Variants in MEGF9 observed in about 807,000 individuals in gnomAD.
The protein encoded by MEGF9 is multiple EGF like domains 9.
A neutral mutation model predicts 46.8 loss-of-function variants in MEGF9; 6 were observed. That is an observed-to-expected ratio of 0.13 (90% confidence interval 0.07 to 0.25). MEGF9 has a LOEUF of 0.25. Among genes scored for constraint, MEGF9 ranks in the 10% least tolerant of loss-of-function variants. The pLI is 1.00. For synonymous variants in MEGF9, 302 were observed against 330.7 expected (o/e 0.91, Z 0.94); for missense variants, 683 against 792.4 (o/e 0.86, Z 1.66).
At chr9:120,675,803 G>T (rs1215982925) in intron 1 of MEGF9, among the ~76,000 whole-genome samples, 1 of 142,074 alleles carries the variant, frequency 7.0e-6, no homozygotes, top group Non-Finnish European at 1.5e-5. Flanking sequence ...CAGGAGAATC[G>T]CTTGAACCTG....
chr9:120,672,581 A>T (rs1369944636), intron 1 of MEGF9, among the ~76,000 whole-genome samples: 1 of 152,158 alleles, frequency 6.6e-6, no homozygotes, highest in Non-Finnish European at 1.5e-5. Flanking sequence ...TGATCACACC[A>T]CTCTACTCCA....
chr9:120,663,104 G>A (rs2043710016), intron 1 of MEGF9, among the ~76,000 whole-genome samples: 1 of 152,132 alleles, frequency 6.6e-6, no homozygotes, highest in Admixed American at 6.6e-5. Context: ...GACCACCCCA[G>A]GGATAAGAAG....
intron 1 of MEGF9, among the ~76,000 whole-genome samples, chr9:120,680,098 C>G (rs1305612044): frequency 6.6e-6 from 1 of 152,170 alleles, no homozygotes; most frequent in African/African-American, 2.4e-5. Context: ...ATTTGAGTTT[C>G]CTCAAAACAG....
intron 3 of MEGF9, among the ~76,000 whole-genome samples, chr9:120,613,225 A>G (rs1459558689): frequency 9.9e-5 from 15 of 152,140 alleles, no homozygotes; most frequent in African/African-American, 3.6e-4. Flanking sequence ...AAATTTAAAA[A>G]CCACACTAAG....
chr9:120,658,330 T>C (rs2043686867), intron 2 of MEGF9, among the ~76,000 whole-genome samples: 1 of 152,208 alleles, frequency 6.6e-6, no homozygotes, highest in East Asian at 1.9e-4. Flanking sequence ...CAATATTCCA[T>C]AACAGTATAA....
chr9:120,624,872 CAAA>C (rs35120272), intron 2 of MEGF9, among the ~76,000 whole-genome samples: 17 of 104,084 alleles, frequency 1.6e-4, no homozygotes, highest in African/African-American at 3.8e-4. Context: ...GACTCCGTCT[CAAA>C]AAAAAAAAAA....
intron 1 of MEGF9, among the ~76,000 whole-genome samples, chr9:120,677,414 A>G (rs1453525158): frequency 6.6e-6 from 1 of 152,216 alleles, no homozygotes; most frequent in Non-Finnish European, 1.5e-5. Flanking sequence ...CACAGGCCAG[A>G]GCCACTGCGT....
chr9:120,714,458 G>T lies in MEGF9; in HGVS notation c.-100C>A. 1 of 1,052,052 alleles carries T rather than the reference G, an allele frequency of 9.5e-7. No individual in the cohort carries two copies. The highest frequency in any genetic ancestry group is 1.2e-6 in the Non-Finnish European group (1 of 829,238). The allele number at this position is 1,052,052 out of a possible 1,614,324, so 65.2% of individuals were successfully genotyped here. A position where few individuals can be genotyped will look rare whatever the true frequency, so the allele number is the denominator to read the frequency against. ...CGCCACCGCCACCGGGCGCACCATCGCCACCTCCCTCTGACAGGCGGCCGG... is the reference window on the plus strand; with the variant it reads ...CGCCACCGCCACCGGGCGCACCATCTCCACCTCCCTCTGACAGGCGGCCGG... On this transcript the variant is annotated 5_prime_UTR_variant, in exon 1 of 6. Transcript: ENST00000373930.
At chr9:120,713,649 T>TG in intron 1 of MEGF9, 109 bp downstream of exon 1, 2 of 1,230,398 alleles carry the variant, frequency 1.6e-6, no homozygotes, top group Non-Finnish European at 2.0e-6. Flanking sequence ...AGCCGGAACC[T>TG]GGGGTGTCTT....
In MEGF9 at chr9:120,607,846, C is replaced by T. The variant is rs773125417; in HGVS notation, c.1252G>A (p.Glu418Lys). The change falls in exon 5 of 6, where the codon GAG becomes AAG. Residue 418 changes from glutamate to lysine, a missense_variant. Around this residue, in one of 2 missense-constraint regions of MEGF9, gnomAD observed 313 missense variants for 421.1 expected, o/e 0.74. Transcript: ENST00000373930. ...AGGCAGTTGATGCACTCACCACTCT[C>T]GGGCTTACAAATCTTTGGAGTTTTA... ...PVKTPKICKP[E>K]SGECINCLHN... The T allele has an allele frequency of 3.1e-6, 5 of 1,613,894 alleles. No homozygotes were observed. Among genetic ancestry groups the T allele is most frequent in the South Asian group, 1.1e-5 (1 of 91,084 alleles).
intron 2 of MEGF9, among the ~76,000 whole-genome samples, chr9:120,642,094 A>C (rs2132313760): frequency 6.6e-6 from 1 of 152,232 alleles, no homozygotes; most frequent in South Asian, 2.1e-4. Context: ...CAAGCAAGTC[A>C]GATGTTCTGA....
chr9:120,714,158 G>A lies in MEGF9; in HGVS notation c.201C>T (p.Phe67=). ...PGLRGEPSHP[F]PRATAPTAQA... ...GGGCCGTGGGAGCCGTCGCCCTAGG[G>A]AAGGGGTGGCTGGGCTCGCCCCGCA... Residue 67 remains phenylalanine, a synonymous_variant, in exon 1 of 6, where the codon TTC becomes TTT. Transcript: ENST00000373930. 5 of 1,236,160 alleles carry A rather than the reference G, an allele frequency of 4.0e-6. No individual in the cohort carries two copies. Among genetic ancestry groups the A allele is most frequent in the Non-Finnish European group, 5.0e-6 (5 of 990,792 alleles). 76.6% of individuals were successfully genotyped at this position (1,236,160 alleles called of 1,614,324 possible). A position where few individuals can be genotyped will look rare whatever the true frequency, so the allele number is the denominator to read the frequency against.
intron 2 of MEGF9, among the ~76,000 whole-genome samples, chr9:120,656,011 C>A (rs1053564324): frequency 5.9e-5 from 9 of 152,126 alleles, no homozygotes; most frequent in South Asian, 2.1e-4. Flanking sequence ...CCAAAACACA[C>A]TGAATTGAGA....
chr9:120,617,197 A>G (rs1198423219), intron 3 of MEGF9, among the ~76,000 whole-genome samples: 2 of 152,204 alleles, frequency 1.3e-5, no homozygotes, highest in Admixed American at 6.5e-5. Context: ...AAGCATCTCA[A>G]AAATCTTTGT....
intron 1 of MEGF9, among the ~76,000 whole-genome samples, chr9:120,667,726 T>TA (rs1205910597): frequency 2.6e-5 from 4 of 152,008 alleles, no homozygotes; most frequent in Admixed American, 2.6e-4. Context: ...AATGAGTCTT[T>TA]AAAAAAACCA....
At chr9:120,634,632 A>T (rs112451679) in intron 2 of MEGF9, among the ~76,000 whole-genome samples, 47 of 151,944 alleles carry the variant, frequency 3.1e-4, no homozygotes, top group African/African-American at 1.1e-3. Context: ...AAGTGAAGAC[A>T]ATTTCTTGTA....
At chr9:120,681,965 T>C (rs79625944) in intron 1 of MEGF9, among the ~76,000 whole-genome samples, 4,497 of 152,284 alleles carry the variant, frequency 0.03, 94 homozygotes, top group Middle Eastern at 0.044. Context: ...TGTAAAGACT[T>C]TTCTTAAAAT....
intron 5 of MEGF9, among the ~76,000 whole-genome samples, chr9:120,607,477 T>TA (rs958589326): frequency 6.6e-6 from 1 of 151,734 alleles, no homozygotes; most frequent in Non-Finnish European, 1.5e-5. Flanking sequence ...ATTATTAACA[T>TA]AAAAATAAAA....
intron 3 of MEGF9, among the ~76,000 whole-genome samples, chr9:120,614,383 C>T (rs930733353): frequency 2.0e-5 from 3 of 152,138 alleles, no homozygotes; most frequent in Non-Finnish European, 4.4e-5. Flanking sequence ...GAACACTTAA[C>T]ATTAAATCAA....
Sources: allele counts gnomAD v4.1 joint callset (sites outside exome capture counted in the v4.1 genomes callset), GRCh38; gene constraint gnomAD v4.1.1; regional missense constraint gnomAD v4.1.1; transcripts MANE v1.5; gene names NCBI Gene and HGNC (gene_info 2026-07-23, HGNC 2026-07-21).